Variants in ASXL2 observed in about 807,000 individuals in gnomAD.
The protein encoded by ASXL2 is ASXL transcriptional regulator 2.
In ASXL2, 23 loss-of-function variants were observed where a neutral mutation model predicts 122.0. The observed-to-expected ratio is 0.19, with a 90% CI of 0.14 to 0.27. The LOEUF (loss-of-function observed/expected upper bound fraction) is 0.27. Ranked by LOEUF, ASXL2 falls within the 10% of genes least tolerant of loss-of-function variation. The pLI is 1.00. For synonymous variants in ASXL2, 650 were observed against 637.0 expected (o/e 1.02, Z -0.31); for missense variants, 1,518 against 1,713.8 (o/e 0.89, Z 2.02).
chr2:25,757,487 A>AG (rs1354133481), intron 9 of ASXL2, among the ~76,000 whole-genome samples: 1 of 149,730 alleles, frequency 6.7e-6, no homozygotes, highest in Non-Finnish European at 1.5e-5. Flanking sequence ...AAAAAAAAAA[A>AG]AAAGAAAGAA....
chr2:25,868,523 A>G (rs1173000795), intron 1 of ASXL2, among the ~76,000 whole-genome samples: 5 of 152,256 alleles, frequency 3.3e-5, no homozygotes, highest in African/African-American at 1.2e-4. Flanking sequence ...TTTACCGTTA[A>G]CCAATTTTAG....
chr2:25,795,946 C>T (rs2088905822), intron 5 of ASXL2, among the ~76,000 whole-genome samples: 2 of 152,170 alleles, frequency 1.3e-5, no homozygotes, highest in South Asian at 2.1e-4. Context: ...TAAAACCACA[C>T]ATCAACAATT....
At chr2:25,855,862 G>A (rs1276569059) in intron 1 of ASXL2, among the ~76,000 whole-genome samples, 1 of 142,238 alleles carries the variant, frequency 7.0e-6, no homozygotes, top group African/African-American at 2.6e-5. Context: ...GAGAGAGACA[G>A]AAACACAATC....
chr2:25,854,960 C>T (rs1246715529), intron 1 of ASXL2, among the ~76,000 whole-genome samples: 2 of 152,152 alleles, frequency 1.3e-5, no homozygotes, highest in East Asian at 3.9e-4. Flanking sequence ...GAAACACATC[C>T]AAATAGAAAC....
chr2:25,765,922 T>C (rs1275653498), intron 8 of ASXL2, among the ~76,000 whole-genome samples: 1 of 152,226 alleles, frequency 6.6e-6, no homozygotes, highest in Non-Finnish European at 1.5e-5. Flanking sequence ...GCACATTCGG[T>C]TTAAATATGT....
At chr2:25,807,967 G>A (rs1172569905) in intron 3 of ASXL2, among the ~76,000 whole-genome samples, 1 of 127,532 alleles carries the variant, frequency 7.8e-6, no homozygotes, top group Non-Finnish European at 1.6e-5. Context: ...ATCCTAATTG[G>A]TTTAAATTAA....
At chr2:25,818,329 C>T (rs1035460166) in intron 3 of ASXL2, among the ~76,000 whole-genome samples, 5 of 152,020 alleles carry the variant, frequency 3.3e-5, no homozygotes, top group Non-Finnish European at 5.9e-5. Flanking sequence ...GCCAAAATGG[C>T]GAAACCCCGT....
chr2:25,814,005 G>A (rs1019857588), intron 3 of ASXL2, among the ~76,000 whole-genome samples: 7 of 152,136 alleles, frequency 4.6e-5, no homozygotes, highest in South Asian at 2.1e-4. Context: ...AGCCAAAATC[G>A]TGCCACTGCA....
In ASXL2 at chr2:25,833,058, A is replaced by G. The variant is rs571038159; in HGVS notation, c.143+2480T>C. Among the ~76,000 whole-genome samples, 12 of 152,328 alleles carry G rather than the reference A, an allele frequency of 7.9e-5. No individual in the cohort carries two copies. In the South Asian group the frequency reaches 2.5e-3, roughly 32 times the overall value. ...GTACTAGGGAAGTACATGTGGTTTT[A>G]AAAGGGGAACACAAGGGATATTTGT... On this transcript the variant is annotated intron_variant, in intron 3 of 12. Transcript: ENST00000435504.
At chr2:25,767,453 C>T in intron 8 of ASXL2, 130 bp downstream of exon 8, 1 of 961,796 alleles carries the variant, frequency 1.0e-6, no homozygotes, top group South Asian at 1.9e-5. Context: ...ACAAAAAAAA[C>T]TTATGTCTAA....
At position 25,837,702 on chromosome 2, in the gene ASXL2, T is replaced by C. The variant is rs769363174; in HGVS notation, c.141-2162A>G. 6.6e-5 allele frequency among the ~76,000 whole-genome samples: 10 copies of C among 151,714 alleles called. No homozygotes were observed. In the East Asian group the frequency reaches 9.7e-4, roughly 15 times the overall value. Reference sequence around the variant, plus strand: ...TTGTCTCTACAAAAAATTTAAAAATTAGCCAGGCATGGTGGTGTGTGCCTG... The same window carrying C: ...TTGTCTCTACAAAAAATTTAAAAATCAGCCAGGCATGGTGGTGTGTGCCTG... On this transcript the variant is annotated intron_variant, in intron 2 of 12. Coordinates refer to ENST00000435504, the MANE Select transcript of ASXL2 (RefSeq NM_018263.6).
intron 1 of ASXL2, among the ~76,000 whole-genome samples, chr2:25,847,248 C>T (rs1191082719): frequency 6.6e-6 from 1 of 152,196 alleles, no homozygotes. Flanking sequence ...TTCTGTGTAT[C>T]ATCTTCCTTG....
At chr2:25,854,074 A>G (rs189583240) in intron 1 of ASXL2, among the ~76,000 whole-genome samples, 1 of 152,310 alleles carries the variant, frequency 6.6e-6, no homozygotes, top group East Asian at 1.9e-4. Flanking sequence ...AGATTACAGA[A>G]GCTGACATTG....
intron 6 of ASXL2, 72 bp downstream of exon 6, chr2:25,771,368 C>A: frequency 7.3e-7 from 1 of 1,372,166 alleles, no homozygotes. Flanking sequence ...AAAAAATATC[C>A]GATGACTGCC....
At chr2:25,759,848 C>T (rs138261397) in intron 8 of ASXL2, among the ~76,000 whole-genome samples, 51 of 152,192 alleles carry the variant, frequency 3.4e-4, no homozygotes, top group African/African-American at 1.1e-3. Flanking sequence ...TAAAAGAATA[C>T]AATGTATCTA....
chr2:25,823,057 T>G, intron 3 of ASXL2: 1 of 451,618 alleles, frequency 2.2e-6, no homozygotes, highest in Non-Finnish European at 4.4e-6. Flanking sequence ...GATGCTGTAT[T>G]TGCCTACTTT....
chr2:25,752,968 T>C (rs1411144586), intron 11 of ASXL2, among the ~76,000 whole-genome samples: 1 of 147,786 alleles, frequency 6.8e-6, no homozygotes, highest in Non-Finnish European at 1.5e-5. Context: ...TTTTTAGAAA[T>C]GTATTTTTTT....
rs772458095 is a variant in ASXL2 at position 25,741,764 on chromosome 2, CA to C, written c.*264del. ...AAACACTTGGAAAAATAATGTTAAA[CA>C]AAATGTGACATATTTACATGATTTT... On this transcript the variant is annotated 3_prime_UTR_variant, in exon 13 of 13. Transcript: ENST00000435504. 38 of 417,946 alleles carry C rather than the reference CA, an allele frequency of 9.1e-5. No homozygotes were observed. Among genetic ancestry groups the C allele is most frequent in the Non-Finnish European group, 1.5e-4 (34 of 232,590 alleles). The allele number at this position is 417,946 out of a possible 1,614,324, so 25.9% of individuals were successfully genotyped here.
chr2:25,828,594 G>C (rs940063920), intron 3 of ASXL2, among the ~76,000 whole-genome samples: 17 of 151,076 alleles, frequency 1.1e-4, no homozygotes, highest in African/African-American at 4.1e-4. Flanking sequence ...GGGAGACCAA[G>C]GTGGGCAGAT....
Sources: gnomAD v4.1 joint callset for allele counts (sites outside exome capture counted in the v4.1 genomes callset) on GRCh38, gnomAD v4.1.1 for gene constraint, MANE v1.5 for transcripts, NCBI Gene and HGNC (gene_info 2026-07-23, HGNC 2026-07-21) for gene names.